The following PDXDC1 variants were observed in gnomAD, a reference collection of about 807,000 sequenced individuals.
PDXDC1 encodes pyridoxal-dependent decarboxylase domain-containing protein 1.
PDXDC1 carries 42 observed loss-of-function variants against 100.1 expected under a neutral mutation model. The observed-to-expected ratio is 0.42, with a 90% CI of 0.33 to 0.54. The LOEUF is 0.54. Among genes scored for constraint, PDXDC1 ranks in the 20% least tolerant of loss-of-function variants. The pLI is 0.10. For missense variants in PDXDC1, 636 were observed against 979.2 expected (o/e 0.65, Z 4.68); for synonymous variants, 260 against 371.7 (o/e 0.70, Z 3.46).
At chr16:15,067,101 T>C (rs1460157000) in intron 16 of PDXDC1, among the ~76,000 whole-genome samples, 4 of 148,158 alleles carry the variant, frequency 2.7e-5, no homozygotes, top group Non-Finnish European at 6.0e-5. Flanking sequence ...CTTTATGCCT[T>C]TTCCTAATCC....
Position 15,033,260 on chromosome 16 carries a change from G to T in PDXDC1, c.1691-18G>T, listed in dbSNP as rs372864023. The T allele has an allele frequency of 4.0e-5, 65 of 1,613,830 alleles. No homozygotes were observed. In the African/African-American group the frequency reaches 7.7e-4, roughly 19 times the overall value. On this transcript the variant is annotated intron_variant, in intron 18 of 22. Coordinates refer to ENST00000396410, the MANE Select transcript of PDXDC1 (RefSeq NM_015027.4). Reference sequence around the variant, plus strand: ...ACAGAGGACTGAGAAACTCAAGTTTGTCTCGTTACCTTTGCAGGCCCTGAG... The same window carrying T: ...ACAGAGGACTGAGAAACTCAAGTTTTTCTCGTTACCTTTGCAGGCCCTGAG...
chr16:14,976,081 G>T (rs1456840945), intron 1 of PDXDC1, among the ~76,000 whole-genome samples: 3 of 152,284 alleles, frequency 2.0e-5, no homozygotes, highest in South Asian at 2.1e-4. Context: ...ATGTGAAACG[G>T]ATTCTCATTG....
intron 1 of PDXDC1, among the ~76,000 whole-genome samples, chr16:14,995,130 A>G (rs528444464): frequency 2.6e-4 from 39 of 152,392 alleles, no homozygotes; most frequent in African/African-American, 8.9e-4. Flanking sequence ...AATACCCTTT[A>G]TTTCCTTCTC....
chr16:15,018,380 G>T (rs1471902121), intron 11 of PDXDC1, among the ~76,000 whole-genome samples: 6 of 152,246 alleles, frequency 3.9e-5, no homozygotes, highest in Non-Finnish European at 8.8e-5. Flanking sequence ...CTGCACTGCA[G>T]CCTGGGCGAC....
intron 16 of PDXDC1, chr16:15,123,377 C>G: frequency 8.6e-7 from 1 of 1,165,032 alleles, no homozygotes; most frequent in Non-Finnish European, 1.2e-6. Context: ...CTCAAGGTCA[C>G]TTTTGGTGAC....
chr16:15,044,304 T>C, intron 16 of PDXDC1: 2 of 1,514,824 alleles, frequency 1.3e-6, no homozygotes, highest in South Asian at 1.1e-5. Flanking sequence ...TATGTCCAAT[T>C]TGGGGGAAAG....
chr16:15,038,175 G>A lies in PDXDC1; in HGVS notation c.*1900G>A. 6.2e-7 allele frequency: 1 copy of A among 1,613,514 alleles called. No homozygotes were observed. The highest frequency in any genetic ancestry group is 8.5e-7 in the Non-Finnish European group (1 of 1,179,798). On this transcript the variant is annotated 3_prime_UTR_variant, in exon 23 of 23. Transcript: ENST00000396410. ...AGGTAGATCTAATATGTTCAACAAA[G>A]TGGGGTGGCTCAGCCAGAGGCGAAG...
downstream of PDXDC1, among the ~76,000 whole-genome samples, chr16:15,042,409 C>T (rs894106805): frequency 6.6e-5 from 10 of 151,954 alleles, no homozygotes; most frequent in African/African-American, 1.7e-4. Context: ...AGGCTGGTCT[C>T]GAACTCGTGA....
At chr16:15,053,274 CTG>C (rs2044366452) in intron 16 of PDXDC1, among the ~76,000 whole-genome samples, 1 of 152,330 alleles carries the variant, frequency 6.6e-6, no homozygotes, top group East Asian at 1.9e-4. Context: ...CCCAGCCTCT[CTG>C]TGCCCCACAG....
Position 15,034,194 on chromosome 16 carries a change from T to G in PDXDC1, c.1813-92T>G, listed in dbSNP as rs1597695729. On this transcript the variant is annotated intron_variant, in intron 19 of 22. Transcript: ENST00000396410. ...CAATGCAGGATTTCATTGACCTGCT[T>G]TTGAAAAATTCCCTCAGTGCTGTGT... 23 of 1,075,692 alleles carry G rather than the reference T, an allele frequency of 2.1e-5. No individual in the cohort carries two copies. In the East Asian group the frequency reaches 5.7e-4, roughly 27 times the overall value. 66.6% of individuals were successfully genotyped at this position (1,075,692 alleles called of 1,614,324 possible).
rs772003343 is a variant in PDXDC1, at chr16:15,034,532, A to G, written c.1981A>G (p.Arg661Gly). 2 of 1,613,862 alleles carry G rather than the reference A, an allele frequency of 1.2e-6. No individual in the cohort carries two copies. Among genetic ancestry groups the G allele is most frequent in the South Asian group, 2.2e-5 (2 of 91,072 alleles). The part of the protein sequence containing the change: ...FSPVQALQKG[R>G]TFNLTAGSLE... ...TCCGGTCCAGGCTTTACAGAAGGGA[A>G]GAACTTTTAACTTGACAGCAGGTAG... Residue 661 changes from arginine (R) to glycine (G), a missense_variant, in exon 21 of 23, where the codon AGA (arginine) becomes GGA (glycine). By Grantham distance (125) the Arg-to-Gly change is moderately radical (BLOSUM62 -2). Transcript: ENST00000396410.
intron 16 of PDXDC1, chr16:15,104,848 G>A: frequency 2.6e-6 from 4 of 1,511,728 alleles, no homozygotes; most frequent in South Asian, 1.3e-5. Flanking sequence ...TTCTGTTGCT[G>A]GTGATAGATT....
chr16:15,027,956 C>G (rs574383064), intron 14 of PDXDC1, among the ~76,000 whole-genome samples: 3 of 152,388 alleles, frequency 2.0e-5, no homozygotes, highest in African/African-American at 7.2e-5. Context: ...CCCAGCACTT[C>G]CCTTCCCCGC....
chr16:15,094,063 C>T (rs2046250722), intron 16 of PDXDC1: 1 of 1,271,162 alleles, frequency 7.9e-7, no homozygotes, highest in Non-Finnish European at 1.1e-6. Context: ...GAGCTTTGTC[C>T]CACATCCTTT....
At chr16:15,030,830 G>A (rs1471798439) in intron 16 of PDXDC1, among the ~76,000 whole-genome samples, 1 of 151,952 alleles carries the variant, frequency 6.6e-6, no homozygotes, top group Middle Eastern at 3.2e-3. Context: ...TGTGACTCTC[G>A]ATTTTCCACT....
intron 16 of PDXDC1, among the ~76,000 whole-genome samples, chr16:15,075,281 A>G (rs2045404544): frequency 6.6e-6 from 1 of 151,508 alleles, no homozygotes; most frequent in Admixed American, 6.6e-5. Flanking sequence ...AAACTAAAAC[A>G]AAGAAATGGA....
At chr16:15,034,068 A>C (rs957955359) in intron 19 of PDXDC1, 19 of 589,692 alleles carry the variant, frequency 3.2e-5, no homozygotes, top group Non-Finnish European at 5.1e-5. Context: ...TTTCAAGAAT[A>C]CGTAGCAAAT....
intron 16 of PDXDC1, among the ~76,000 whole-genome samples, chr16:15,089,538 C>A (rs375836108): frequency 6.6e-6 from 1 of 152,108 alleles, no homozygotes; most frequent in Non-Finnish European, 1.5e-5. Flanking sequence ...TGGTTACTCA[C>A]GCCTCTAATC....
intron 1 of PDXDC1, among the ~76,000 whole-genome samples, chr16:14,994,793 G>C (rs1567633928): frequency 6.6e-6 from 1 of 152,258 alleles, no homozygotes; most frequent in Admixed American, 6.5e-5. Context: ...TCTTCCATTT[G>C]TTTGTATCCT....
Sources: allele counts gnomAD v4.1 joint callset (sites outside exome capture counted in the v4.1 genomes callset), GRCh38; gene constraint gnomAD v4.1.1; transcripts MANE v1.5; gene names NCBI Gene and HGNC (gene_info 2026-07-23, HGNC 2026-07-21).